Variants in EMC8 observed in about 807,000 individuals in gnomAD.
EMC8 encodes the protein ER membrane protein complex subunit 8.
EMC8 carries 11 observed loss-of-function variants against 24.3 expected under a neutral mutation model. The ratio of observed to expected loss-of-function variants is 0.45; its 90% confidence interval spans 0.28 to 0.75. The LOEUF is 0.75. EMC8 is among the 30% of genes least tolerant of loss of function. The pLI, the probability that EMC8 is intolerant of heterozygous loss-of-function variation, is 0.12. For missense variants in EMC8, 277 were observed against 282.7 expected, an observed-to-expected ratio of 0.98 and a Z score of 0.14; for synonymous variants, 145 against 117.7, an observed-to-expected ratio of 1.23 and a Z score of -1.50.
intron 4 of EMC8, 88 bp from the exon 5 acceptor site, chr16:85,779,955 C>T: frequency 9.2e-7 from 1 of 1,082,464 alleles, no homozygotes; most frequent in Non-Finnish European, 1.4e-6. Flanking sequence ...GCCACATGCA[C>T]AGTGGTATGA....
rs375317944 is a variant in EMC8 at position 85,781,807 on chromosome 16, C to T, written c.309-527G>A. The T allele has an allele frequency of 1.3e-3, 201 of 154,116 alleles. 1 individual carries two copies. In the Middle Eastern group the frequency reaches 0.014, roughly 10 times the overall value. 9.5% of individuals were successfully genotyped at this position (154,116 alleles called of 1,614,324 possible). ...TGCAGTTCCCCACATATGAAGAAAT[C>T]GCAGGGGTCAGCACATCTGGAGTGC... On this transcript the variant is annotated intron_variant, in intron 2 of 4. Coordinates refer to ENST00000253457, the MANE Select transcript of EMC8 (RefSeq NM_006067.5).
At chr16:85,796,872 G>C (rs1268258376) in intron 1 of EMC8, among the ~76,000 whole-genome samples, 1 of 152,190 alleles carries the variant, frequency 6.6e-6, no homozygotes, top group African/African-American at 2.4e-5. Context: ...TTTTTACTAA[G>C]CTCCGCCTGT....
intron 1 of EMC8, among the ~76,000 whole-genome samples, chr16:85,794,871 G>C (rs1905184257): frequency 6.6e-6 from 1 of 152,318 alleles, no homozygotes; most frequent in African/African-American, 2.4e-5. Flanking sequence ...TGAGGCGCGG[G>C]AGCAAGGTCA....
chr16:85,784,664 G>A (rs1259842555), intron 2 of EMC8: 1 of 152,194 alleles, frequency 6.6e-6, no homozygotes, highest in East Asian at 1.9e-4. Flanking sequence ...CCAGGACTCG[G>A]TGGGCGCCAG....
chr16:85,779,982 G>C, intron 4 of EMC8, 115 bp from the exon 5 acceptor site: 1 of 813,850 alleles, frequency 1.2e-6, no homozygotes, highest in South Asian at 1.6e-5. Flanking sequence ...ATGGTGCAGA[G>C]TACTGAGAAA....
intron 1 of EMC8, chr16:85,792,661 G>C (rs1024772157): frequency 2.6e-5 from 4 of 152,328 alleles, no homozygotes; most frequent in African/African-American, 9.7e-5. Context: ...TGTAGGTGTG[G>C]GTGTGGCAGC....
At chr16:85,780,533 G>A (rs1251415179) in intron 3 of EMC8, 60 bp from the exon 4 acceptor site, 5 of 1,303,810 alleles carry the variant, frequency 3.8e-6, no homozygotes, top group South Asian at 2.5e-5. Context: ...GCAGCGGCAG[G>A]CGCCTCCTCG....
rs531168930 is a variant in EMC8, at chr16:85,797,369, T to C, written c.231+1696A>G. ...GTTGCAGTGAGCCGAGATCATGCCATTGCACTCCAGGCTGGGTGACAAGAG... is the reference window on the plus strand; with the variant it reads ...GTTGCAGTGAGCCGAGATCATGCCACTGCACTCCAGGCTGGGTGACAAGAG... On this transcript the variant is annotated intron_variant, in intron 1 of 4. Transcript: ENST00000253457. Among the ~76,000 whole-genome samples the C allele has an allele frequency of 2.2e-3, 338 of 152,108 alleles. 3 individuals are homozygous for C. Among genetic ancestry groups the C allele is most frequent in the Non-Finnish European group, 2.6e-3 (179 of 67,998 alleles).
chr16:85,789,224 C>T (rs572057331), intron 1 of EMC8, among the ~76,000 whole-genome samples, 174 bp from the exon 2 acceptor site: 1 of 152,250 alleles, frequency 6.6e-6, no homozygotes, highest in Non-Finnish European at 1.5e-5. Context: ...TCAGGAAGGG[C>T]AGGACTTTGA....
At position 85,799,523 on chromosome 16, in the gene EMC8, T is replaced by C. The variant is rs1187669104; in HGVS notation, c.-228A>G. On this transcript the variant is annotated 5_prime_UTR_variant, in exon 1 of 5. Transcript: ENST00000253457. The surrounding 1 kb of genome is among the most constrained non-coding windows in gnomAD (Gnocchi z 4.2). The stretch of plus-strand genomic sequence containing the variant: ...CAGCCCCAGACTCCAGTCGCGCTTC[T>C]CGCCCGGCGCCGCCGGAAAGCAGCC... 9 of 380,234 alleles carry C rather than the reference T, an allele frequency of 2.4e-5. No homozygotes were observed. The highest frequency in any genetic ancestry group is 3.7e-5 in the Non-Finnish European group (8 of 215,296). 23.6% of individuals were successfully genotyped at this position (380,234 alleles called of 1,614,324 possible).
intron 1 of EMC8, 158 bp downstream of exon 1, chr16:85,798,907 C>G (rs1266692545): frequency 1.7e-6 from 1 of 585,548 alleles, no homozygotes; most frequent in Non-Finnish European, 3.0e-6. Context: ...GCGCCAAGAC[C>G]CAAGCGCCAT....
chr16:85,788,075 C>G (rs571379540), intron 2 of EMC8, among the ~76,000 whole-genome samples: 1 of 152,310 alleles, frequency 6.6e-6, no homozygotes, highest in African/African-American at 2.4e-5. Flanking sequence ...CACGTCAGGG[C>G]AGCCTGACGC....
chr16:85,795,402 C>T (rs570415377), intron 1 of EMC8, among the ~76,000 whole-genome samples: 54 of 152,320 alleles, frequency 3.5e-4, no homozygotes, highest in African/African-American at 1.3e-3. Flanking sequence ...ACTGGTTTTC[C>T]TCCCCGTTCC....
intron 4 of EMC8, 33 bp downstream of exon 4, chr16:85,780,346 C>T (rs1325520123): frequency 1.3e-6 from 2 of 1,562,024 alleles, no homozygotes; most frequent in Non-Finnish European, 8.8e-7. Context: ...GCTGAAGGAG[C>T]CCAGCCCGCG....
chr16:85,779,969 G>A lies in EMC8; in HGVS notation c.474-102C>T, dbSNP rs550974145. The A allele has an allele frequency of 5.1e-5, 47 of 924,162 alleles. No homozygotes were observed. In the African/African-American group the frequency reaches 6.4e-4, roughly 13 times the overall value. 57.2% of individuals were successfully genotyped at this position (924,162 alleles called of 1,614,324 possible). A position where few individuals can be genotyped will look rare whatever the true frequency, so the allele number is the denominator to read the frequency against. On this transcript the variant is annotated intron_variant, in intron 4 of 4. Transcript: ENST00000253457. ...AGCCACATGCACAGTGGTATGAACAGAGATGGTGCAGAGTACTGAGAAACA... is the reference window on the plus strand; with the variant it reads ...AGCCACATGCACAGTGGTATGAACAAAGATGGTGCAGAGTACTGAGAAACA...
intron 1 of EMC8, among the ~76,000 whole-genome samples, chr16:85,797,244 C>G (rs1282884159): frequency 6.6e-6 from 1 of 152,162 alleles, no homozygotes; most frequent in Non-Finnish European, 1.5e-5. Flanking sequence ...CCCATCTCTA[C>G]TAAAAATACA....
intron 2 of EMC8, among the ~76,000 whole-genome samples, chr16:85,788,162 G>C (rs1026069923): frequency 6.6e-6 from 1 of 152,246 alleles, no homozygotes; most frequent in African/African-American, 2.4e-5. Context: ...GAAAATGGAA[G>C]GGGGACATCA....
At chr16:85,783,342 G>C (rs1193946622) in intron 2 of EMC8, among the ~76,000 whole-genome samples, 4 of 152,116 alleles carry the variant, frequency 2.6e-5, no homozygotes, top group African/African-American at 4.8e-5. Flanking sequence ...GCCCAGGCTG[G>C]AGCATGGTGG....
intron 1 of EMC8, 32 bp from the exon 2 acceptor site, chr16:85,789,082 A>T: frequency 2.1e-6 from 3 of 1,398,662 alleles, no homozygotes; most frequent in Non-Finnish European, 1.0e-6. Context: ...GGAAAAGATG[A>T]ATGACTCTCC....
Sources: gnomAD v4.1 joint callset for allele counts (sites outside exome capture counted in the v4.1 genomes callset) on GRCh38, gnomAD v4.1.1 for gene constraint, Gnocchi (gnomAD v3.1) non-coding constraint, MANE v1.5 for transcripts, NCBI Gene and HGNC (gene_info 2026-07-23, HGNC 2026-07-21) for gene names.